Variants in COBL observed in about 807,000 individuals in gnomAD.
The protein encoded by COBL is cordon-bleu WH2 repeat protein.
COBL carries 51 observed loss-of-function variants against 98.8 expected under a neutral mutation model. The ratio of observed to expected loss-of-function variants is 0.52; its 90% CI spans 0.41 to 0.65. The LOEUF (loss-of-function observed/expected upper bound fraction) is 0.65, where lower values mean the gene tolerates loss of function less well. COBL is among the 30% of genes least tolerant of loss of function. The pLI is 0.00. For synonymous variants in COBL, 634 were observed against 651.7 expected, an observed-to-expected ratio of 0.97 and a Z score of 0.41; for missense variants, 1,617 against 1,617.5, an observed-to-expected ratio of 1.00 and a Z score of 0.01.
At chr7:51,137,433 A>C (rs1186885386) in intron 5 of COBL, among the ~76,000 whole-genome samples, 2 of 152,140 alleles carry the variant, frequency 1.3e-5, no homozygotes, top group African/African-American at 4.8e-5. Flanking sequence ...AAAGAGCTTG[A>C]AAGAGTTCTT....
At chr7:51,232,724 T>C (rs1390327192) in intron 1 of COBL, among the ~76,000 whole-genome samples, 6 of 152,058 alleles carry the variant, frequency 3.9e-5, no homozygotes, top group East Asian at 1.9e-4. Context: ...GGCAGAAGAA[T>C]TGCTTGAACC....
intron 6 of COBL, among the ~76,000 whole-genome samples, chr7:51,109,050 C>T (rs1476332295): frequency 6.6e-6 from 1 of 152,176 alleles, no homozygotes; most frequent in Non-Finnish European, 1.5e-5. Flanking sequence ...CCACTGGCCT[C>T]CTGCCTAGTG....
chr7:51,297,799 G>A (rs1321730428), intron 1 of COBL, among the ~76,000 whole-genome samples: 5 of 152,104 alleles, frequency 3.3e-5, no homozygotes, highest in Admixed American at 3.3e-4. Flanking sequence ...TGTATCAGTG[G>A]GATTTGGTTA....
rs775592797 is a variant in COBL at position 51,193,579 on chromosome 7, T to C, written c.256A>G (p.Met86Val). The change falls in exon 3 of 13, where the codon ATG becomes GTG. Residue 86 changes from methionine (M) to valine (V), a missense_variant. Physicochemically the swap from Met to Val is conservative, Grantham distance 21. This residue lies in a region of COBL where 238 missense variants were observed against 215.0 expected (regional missense o/e 1.11). Transcript: ENST00000265136. ...AGGCAAAGTTCAACCAGTAGGTCCA[T>C]CATCGCATGGCTGAAAAAAGGAAAA... ...RSVLNGSHAM[M>V]DLLVELCLQN... 3.7e-6 allele frequency: 6 copies of C among 1,613,952 alleles called. No homozygotes were observed. The highest frequency in any genetic ancestry group is 2.2e-5 in the East Asian group (1 of 44,886).
At chr7:51,066,359 A>T (rs1791924002) in intron 7 of COBL, among the ~76,000 whole-genome samples, 1 of 152,148 alleles carries the variant, frequency 6.6e-6, no homozygotes, top group Non-Finnish European at 1.5e-5. Context: ...TCCTCTGTGG[A>T]CACAGGGAAT....
chr7:51,028,725 G>T lies in COBL; in HGVS notation c.2371C>A (p.Pro791Thr). Reference sequence around the variant, plus strand: ...TGCGTGGGCACAGGGGTGGAGGGGGGTCCCCTGGCAGAGCTCTCTGAGGGT... The same window carrying T: ...TGCGTGGGCACAGGGGTGGAGGGGGTTCCCCTGGCAGAGCTCTCTGAGGGT... The part of the protein sequence containing the change: ...GRPSESSARG[P>T]PSTPVPTQTQ... Residue 791 changes from proline to threonine, a missense_variant, in exon 10 of 13, where the codon CCC becomes ACC. Pro to Thr is a conservative substitution (Grantham distance 38, BLOSUM62 -1). Around this residue, in one of 3 missense-constraint regions of COBL, gnomAD observed 1,304 missense variants for 1,282.0 expected, o/e 1.02. Coordinates refer to ENST00000265136, the MANE Select transcript of COBL (RefSeq NM_015198.5). The T allele has an allele frequency of 6.2e-7, 1 of 1,614,094 alleles. No homozygotes were observed. Among genetic ancestry groups the T allele is most frequent in the Non-Finnish European group, 8.5e-7 (1 of 1,179,990 alleles).
chr7:51,189,628 C>T (rs892530654), intron 4 of COBL, among the ~76,000 whole-genome samples: 4 of 151,456 alleles, frequency 2.6e-5, no homozygotes, highest in Middle Eastern at 3.4e-3. Flanking sequence ...GAGTGAAATT[C>T]CATCTCAAAA....
intron 4 of COBL, among the ~76,000 whole-genome samples, chr7:51,184,727 T>C (rs980039599): frequency 6.6e-6 from 1 of 152,224 alleles, no homozygotes; most frequent in African/African-American, 2.4e-5. Context: ...CATATCAGTG[T>C]GGACTCGGTA....
intron 5 of COBL, among the ~76,000 whole-genome samples, chr7:51,159,183 C>T (rs1011587056): frequency 1.3e-5 from 2 of 152,150 alleles, no homozygotes; most frequent in African/African-American, 2.4e-5. Flanking sequence ...CGCGTGAAAC[C>T]GCAGGGCGCA....
intron 1 of COBL, among the ~76,000 whole-genome samples, chr7:51,270,815 T>A (rs1798682849): frequency 6.6e-6 from 1 of 151,430 alleles, no homozygotes; most frequent in South Asian, 2.1e-4. Context: ...CATTTTATTA[T>A]TCGACTTAAA....
chr7:51,090,505 G>C (rs938287848), intron 6 of COBL, among the ~76,000 whole-genome samples: 2 of 152,194 alleles, frequency 1.3e-5, no homozygotes, highest in African/African-American at 4.8e-5. Flanking sequence ...CAGCTTTTCA[G>C]GGGGGCTGCC....
chr7:51,150,038 C>A (rs962724061), intron 5 of COBL, among the ~76,000 whole-genome samples: 1 of 152,140 alleles, frequency 6.6e-6, no homozygotes, highest in Admixed American at 6.5e-5. Flanking sequence ...TACTTCCAGG[C>A]ATGCATGCAC....
At chr7:51,316,509 T>C in intron 1 of COBL, 84 bp downstream of exon 1, 1 of 1,064,256 alleles carries the variant, frequency 9.4e-7, no homozygotes, top group South Asian at 4.3e-5. Context: ...GAGGGCGCCC[T>C]GCCCGGGAGC....
At chr7:51,051,578 G>A (rs553346487) in intron 7 of COBL, among the ~76,000 whole-genome samples, 16 of 152,166 alleles carry the variant, frequency 1.1e-4, no homozygotes, top group Admixed American at 2.0e-4. Context: ...AAACAAAATT[G>A]TCTACCAACT....
intron 6 of COBL, among the ~76,000 whole-genome samples, chr7:51,103,303 AAG>A (rs914403950): frequency 6.6e-6 from 1 of 152,152 alleles, no homozygotes; most frequent in African/African-American, 2.4e-5. Flanking sequence ...GTGTGTGAGA[AAG>A]AGAGAGAATT....
intron 1 of COBL, among the ~76,000 whole-genome samples, chr7:51,235,094 T>G (rs538967001): frequency 1.3e-5 from 2 of 152,326 alleles, no homozygotes; most frequent in South Asian, 2.1e-4. Context: ...ATCTCCAGCC[T>G]TGGCCTGGCA....
intron 1 of COBL, among the ~76,000 whole-genome samples, chr7:51,270,522 A>T (rs1275314421): frequency 6.6e-6 from 1 of 152,218 alleles, no homozygotes; most frequent in Non-Finnish European, 1.5e-5. Flanking sequence ...CTTACACTTA[A>T]ATAATTTTTT....
At chr7:51,026,780 C>T (rs2128869335) in intron 10 of COBL, 115 bp from the exon 11 acceptor site, 1 of 1,288,670 alleles carries the variant, frequency 7.8e-7, no homozygotes, top group South Asian at 1.4e-5. Context: ...TGCCTGTAAT[C>T]CCATCTACTC....
At chr7:51,050,573 A>G (rs548127874) in intron 7 of COBL, among the ~76,000 whole-genome samples, 1 of 152,234 alleles carries the variant, frequency 6.6e-6, no homozygotes, top group South Asian at 2.1e-4. Flanking sequence ...TGGACCAATC[A>G]AAGTCCTTCT....
Sources: gnomAD v4.1 joint callset for allele counts (sites outside exome capture counted in the v4.1 genomes callset) on GRCh38, gnomAD v4.1.1 for gene constraint, gnomAD v4.1.1 regional missense constraint, MANE v1.5 for transcripts, NCBI Gene and HGNC (gene_info 2026-07-23, HGNC 2026-07-21) for gene names.